The following COL5A2 variants were observed in gnomAD, a reference collection of about 807,000 sequenced individuals.
COL5A2 encodes the protein collagen type V alpha 2 chain.
Under a neutral mutation model 208.2 loss-of-function variants are expected in COL5A2, and 23 were observed. The observed-to-expected ratio is 0.11, with a 90% CI of 0.08 to 0.16. The LOEUF (loss-of-function observed/expected upper bound fraction) is 0.16, where lower values mean the gene tolerates loss of function less well. Ranked by LOEUF, COL5A2 falls within the 10% of genes least tolerant of loss-of-function variation. The pLI is 1.00. For missense variants in COL5A2, 1,590 were observed against 1,956.4 expected (o/e 0.81, Z 3.53); for synonymous variants, 625 against 628.5 (o/e 0.99, Z 0.08).
At chr2:189,265,426 A>C in the COL5A2 span, among the ~76,000 whole-genome samples, 1 of 152,220 alleles carries the variant, frequency 6.6e-6, no homozygotes, top group Non-Finnish European at 1.5e-5. Flanking sequence ...TTGTAGACAC[A>C]GCCTTCCAAT....
chr2:189,343,214 T>C, the COL5A2 span, among the ~76,000 whole-genome samples: 4 of 152,102 alleles, frequency 2.6e-5, no homozygotes, highest in Admixed American at 2.0e-4. Flanking sequence ...AAATTTACCA[T>C]AGTCCATAAT....
In COL5A2 at chr2:189,075,388, C is replaced by T; in HGVS notation, c.1104+5G>A. On this transcript the variant is annotated splice_donor_5th_base_variant and intron_variant, in intron 17 of 53. Coordinates refer to ENST00000374866, the MANE Select transcript of COL5A2 (RefSeq NM_000393.5). ...ATGAATTAATATGAAAATAATATAA[C>T]TCACCATTGGTCCAGGTTTTCCAGG... 3 of 1,586,702 alleles carry T rather than the reference C, an allele frequency of 1.9e-6. No individual in the cohort carries two copies. In the African/African-American group the frequency reaches 4.0e-5, roughly 21 times the overall value.
chr2:189,268,876 CA>C, the COL5A2 span, among the ~76,000 whole-genome samples: 1 of 152,034 alleles, frequency 6.6e-6, no homozygotes. Context: ...GTGTTAGATC[CA>C]GCTTTGCTAT....
At chr2:189,060,650 A>G (rs1364497018) in intron 31 of COL5A2, 80 bp downstream of exon 31, 2 of 1,193,186 alleles carry the variant, frequency 1.7e-6, no homozygotes, top group Non-Finnish European at 2.5e-6. Context: ...AAAGGAAAGC[A>G]CAACAGAGCC....
the COL5A2 span, among the ~76,000 whole-genome samples, chr2:189,354,395 G>A: frequency 6.6e-6 from 1 of 152,156 alleles, no homozygotes; most frequent in African/African-American, 2.4e-5. Context: ...ATTCAGCTGT[G>A]ACTCCATCAG....
chr2:189,231,733 T>C, the COL5A2 span, among the ~76,000 whole-genome samples: 5 of 151,784 alleles, frequency 3.3e-5, no homozygotes, highest in Admixed American at 2.0e-4. Flanking sequence ...AGCATTTGTG[T>C]GTATGTTTCT....
At chr2:189,192,885 C>A (rs1018424804) in intron 1 of COL5A2, among the ~76,000 whole-genome samples, 4 of 152,208 alleles carry the variant, frequency 2.6e-5, no homozygotes, top group African/African-American at 9.6e-5. Flanking sequence ...GGGTTCCTAT[C>A]ACAAGAGTGT....
chr2:189,330,902 G>A, the COL5A2 span, among the ~76,000 whole-genome samples: 16 of 152,224 alleles, frequency 1.1e-4, no homozygotes, highest in East Asian at 1.4e-3. Context: ...CAAAAATTAT[G>A]AGACATGCAT....
chr2:189,072,137 A>C (rs757315578), intron 17 of COL5A2, 44 bp from the exon 18 acceptor site: 1 of 1,373,778 alleles, frequency 7.3e-7, no homozygotes, highest in Admixed American at 1.7e-5. Context: ...GTATTCAATT[A>C]GTATCTAATT....
chr2:189,053,006 G>C lies in COL5A2; in HGVS notation c.2566C>G (p.Gln856Glu). 1 of 1,613,738 alleles carries C rather than the reference G, an allele frequency of 6.2e-7. No individual in the cohort carries two copies. The highest frequency in any genetic ancestry group is 8.5e-7 in the Non-Finnish European group (1 of 1,179,754). Residue 856 changes from glutamine to glutamate, a missense_variant, in exon 39 of 54, where the codon CAG becomes GAG. Coordinates refer to ENST00000374866, the MANE Select transcript of COL5A2 (RefSeq NM_000393.5). ...CCAGGTTCACCTTTTACTCCAGGCT[G>C]TCCGTCAGGACCCTATAAAAAATTA... is the stretch of plus-strand genomic sequence containing the variant. ...GFAGPQGPDG[Q>E]PGVKGEPGEP... is the part of the protein sequence containing the mutation.
chr2:189,224,321 C>T (rs1006424297), intron 1 of COL5A2, among the ~76,000 whole-genome samples: 1 of 151,696 alleles, frequency 6.6e-6, no homozygotes, highest in African/African-American at 2.4e-5. Flanking sequence ...AAATAACTTA[C>T]CATTCCAATT....
At chr2:189,295,330 ACTGTGGC>A in the COL5A2 span, among the ~76,000 whole-genome samples, 2 of 152,180 alleles carry the variant, frequency 1.3e-5, no homozygotes, top group Non-Finnish European at 2.9e-5. Context: ...CTGGCTGGGG[ACTGTGGC>A]TCAAGCCTGT....
the COL5A2 span, among the ~76,000 whole-genome samples, chr2:189,239,607 T>C: frequency 3.7e-5 from 4 of 106,782 alleles, no homozygotes; most frequent in Non-Finnish European, 7.0e-5. Flanking sequence ...CATCACACTC[T>C]GGGGACTGTT....
chr2:189,170,255 A>C (rs1029668285), intron 1 of COL5A2, among the ~76,000 whole-genome samples: 1 of 152,368 alleles, frequency 6.6e-6, no homozygotes, highest in Middle Eastern at 3.4e-3. Context: ...CGGATCACTC[A>C]TACTTGAGTG....
At chr2:189,352,228 T>C in the COL5A2 span, among the ~76,000 whole-genome samples, 1 of 152,174 alleles carries the variant, frequency 6.6e-6, no homozygotes, top group Non-Finnish European at 1.5e-5. Context: ...TGGTTCCAAG[T>C]CTTTGCTATT....
intron 41 of COL5A2, 134 bp downstream of exon 41, chr2:189,052,038 T>C (rs1182540852): frequency 1.5e-6 from 1 of 676,754 alleles, no homozygotes; most frequent in African/African-American, 1.8e-5. Flanking sequence ...CCAGCATGCA[T>C]TATTGGAATA....
At chr2:189,301,180 C>T in the COL5A2 span, among the ~76,000 whole-genome samples, 1 of 151,010 alleles carries the variant, frequency 6.6e-6, no homozygotes, top group African/African-American at 2.5e-5. Context: ...GAGTGAAACC[C>T]TGTCTCAAAA....
At chr2:189,079,799 C>T (rs751567726) in intron 14 of COL5A2, among the ~76,000 whole-genome samples, 179 bp downstream of exon 14, 21 of 152,154 alleles carry the variant, frequency 1.4e-4, no homozygotes, top group Non-Finnish European at 2.5e-4. Context: ...GGAGGCATAT[C>T]AAGTCATGTC....
At chr2:189,087,072 G>A (rs1686678870) in intron 8 of COL5A2, among the ~76,000 whole-genome samples, 3 of 152,224 alleles carry the variant, frequency 2.0e-5, no homozygotes, top group African/African-American at 7.2e-5. Flanking sequence ...GTTCTGTTAA[G>A]TAAGAACATC....
Sources: allele counts gnomAD v4.1 joint callset (sites outside exome capture counted in the v4.1 genomes callset), GRCh38; gene constraint gnomAD v4.1.1; transcripts MANE v1.5; gene names NCBI Gene and HGNC (gene_info 2026-07-23, HGNC 2026-07-21).